The following PCCA variants were observed in gnomAD, a reference collection of about 807,000 sequenced individuals.
PCCA encodes propionyl-CoA carboxylase alpha chain, mitochondrial.
In PCCA, 74 loss-of-function variants were observed where a neutral mutation model predicts 101.3. The ratio of observed to expected loss-of-function variants is 0.73; its 90% CI spans 0.61 to 0.89. The LOEUF (loss-of-function observed/expected upper bound fraction) is 0.89. PCCA is among the 40% of genes least tolerant of loss of function. PCCA has a pLI of 0.00. For missense variants in PCCA, 891 were observed against 907.0 expected, an observed-to-expected ratio of 0.98 and a Z score of 0.23; for synonymous variants, 294 against 313.6, an observed-to-expected ratio of 0.94 and a Z score of 0.66.
chr13:100,338,503 C>T (rs964786511), intron 17 of PCCA, among the ~76,000 whole-genome samples: 3 of 151,906 alleles, frequency 2.0e-5, no homozygotes, highest in African/African-American at 7.3e-5. Context: ...CTGGGGACTC[C>T]CAGTTGTTGG....
At chr13:100,461,458 T>C (rs547646136) in intron 21 of PCCA, among the ~76,000 whole-genome samples, 1 of 152,358 alleles carries the variant, frequency 6.6e-6, no homozygotes, top group East Asian at 1.9e-4. Flanking sequence ...ACTGTTTTTC[T>C]TTATCTGTAC....
chr13:100,246,059 A>G (rs890392323), intron 8 of PCCA, among the ~76,000 whole-genome samples: 2 of 152,192 alleles, frequency 1.3e-5, no homozygotes, highest in African/African-American at 4.8e-5. Flanking sequence ...TTCAGCCTTT[A>G]TACACCTGTA....
intron 16 of PCCA, among the ~76,000 whole-genome samples, chr13:100,323,392 G>A (rs1157472056): frequency 6.6e-6 from 1 of 151,854 alleles, no homozygotes; most frequent in East Asian, 1.9e-4. Flanking sequence ...TGCGGTCTCG[G>A]CTCACTACAA....
chr13:100,179,618 C>T (rs894787948), intron 6 of PCCA, among the ~76,000 whole-genome samples: 6 of 152,172 alleles, frequency 3.9e-5, no homozygotes, highest in African/African-American at 1.4e-4. Flanking sequence ...CTTTCTTTAT[C>T]ATGTGATCCT....
chr13:100,370,508 G>A (rs1229464250), intron 19 of PCCA, among the ~76,000 whole-genome samples: 1 of 152,094 alleles, frequency 6.6e-6, no homozygotes, highest in Admixed American at 6.6e-5. Flanking sequence ...AAACAGGGCT[G>A]TTTTTAAAAC....
At chr13:100,110,309 C>T (rs1404782266) in intron 2 of PCCA, among the ~76,000 whole-genome samples, 2 of 152,106 alleles carry the variant, frequency 1.3e-5, no homozygotes, top group African/African-American at 2.4e-5. Context: ...TGTATTACAT[C>T]CAAATTACTT....
chr13:100,478,564 G>C (rs1308685829), intron 21 of PCCA, among the ~76,000 whole-genome samples: 1 of 152,202 alleles, frequency 6.6e-6, no homozygotes, highest in Non-Finnish European at 1.5e-5. Flanking sequence ...CATAGGAGGA[G>C]GCAACAGCTT....
chr13:100,344,348 A>G (rs2071862880), intron 18 of PCCA, among the ~76,000 whole-genome samples: 1 of 152,156 alleles, frequency 6.6e-6, no homozygotes, highest in Non-Finnish European at 1.5e-5. Flanking sequence ...AAAATATGAG[A>G]AGTTCCATTT....
rs1225545034 is a variant in PCCA, at chr13:100,309,844, T to C, written c.1365T>C (p.Tyr455=). The C allele has an allele frequency of 6.2e-7, 1 of 1,611,676 alleles. No individual in the cohort carries two copies. Among genetic ancestry groups the C allele is most frequent in the East Asian group, 2.2e-5 (1 of 44,826 alleles). The change falls in exon 16 of 24, where the codon TAT becomes TAC. Residue 455 remains tyrosine, a synonymous_variant. Transcript: ENST00000376285. ...TTGCTTGTTTTTAGCTAATCACATA[T>C]GGCTCTGATAGAACTGAGGCACTGA... ...YDPMISKLIT[Y]GSDRTEALKR...
intron 21 of PCCA, among the ~76,000 whole-genome samples, chr13:100,492,830 A>G (rs1206243124): frequency 6.6e-6 from 1 of 151,522 alleles, no homozygotes; most frequent in African/African-American, 2.4e-5. Flanking sequence ...GGTAGCAGAG[A>G]TCAGCTATGG....
intron 7 of PCCA, among the ~76,000 whole-genome samples, chr13:100,216,056 TTTCCCTTCCCC>T (rs2152489562): frequency 6.6e-6 from 1 of 152,038 alleles, no homozygotes; most frequent in African/African-American, 2.4e-5. Flanking sequence ...TTTTCCTCCC[TTTCCCTTCCCC>T]TTCCCCTCCC....
At chr13:100,197,337 A>G (rs949840062) in intron 6 of PCCA, among the ~76,000 whole-genome samples, 3 of 151,706 alleles carry the variant, frequency 2.0e-5, no homozygotes, top group African/African-American at 7.3e-5. Context: ...CCTCCTGTGT[A>G]GCTGGGACCA....
intron 8 of PCCA, among the ~76,000 whole-genome samples, chr13:100,246,403 A>G (rs1187450000): frequency 6.6e-6 from 1 of 151,998 alleles, no homozygotes; most frequent in Non-Finnish European, 1.5e-5. Flanking sequence ...TCAACCTCCT[A>G]GGCTCAAGCG....
intron 19 of PCCA, among the ~76,000 whole-genome samples, chr13:100,380,167 G>A (rs1487127170): frequency 1.3e-5 from 2 of 152,118 alleles, no homozygotes; most frequent in Non-Finnish European, 2.9e-5. Context: ...TTCGAGACCA[G>A]CCTGAGAAAT....
Position 100,277,672 on chromosome 13 carries a change from T to G in PCCA, c.1065+4326T>G, listed in dbSNP as rs375949883. 9.9e-4 allele frequency among the ~76,000 whole-genome samples: 150 copies of G among 152,274 alleles called. 4 individuals are homozygous for G. In the South Asian group the frequency reaches 0.028, roughly 29 times the overall value. On this transcript the variant is annotated intron_variant, in intron 12 of 23. Transcript: ENST00000376285. ...CTTTTCCTTTCCAAATCTCATGCAT[T>G]TGCACATCCAGAACCTCATGCAGTC...
chr13:100,443,391 G>C (rs1331285878), intron 20 of PCCA, among the ~76,000 whole-genome samples: 1 of 151,594 alleles, frequency 6.6e-6, no homozygotes, highest in East Asian at 1.9e-4. Flanking sequence ...GGCAGTTGCT[G>C]TGGAGAGCTG....
intron 6 of PCCA, among the ~76,000 whole-genome samples, chr13:100,160,194 T>C (rs1004657898): frequency 6.6e-6 from 1 of 152,180 alleles, no homozygotes; most frequent in Non-Finnish European, 1.5e-5. Context: ...CAGTCCCTGC[T>C]GTCCATGACT....
rs376662740 is a variant in PCCA at position 100,157,255 on chromosome 13, A to G, written c.415-32A>G. On this transcript the variant is annotated intron_variant, in intron 5 of 23. Coordinates refer to ENST00000376285, the MANE Select transcript of PCCA (RefSeq NM_000282.4). ...TTATAAAGCTTTTGCAATATGATAA[A>G]ATTGAAAGTGCTTTTTGCTTTCATT... is the stretch of plus-strand genomic sequence containing the variant. The G allele has an allele frequency of 3.3e-6, 5 of 1,531,018 alleles. No individual in the cohort carries two copies. The African/African-American group carries it at 6.8e-5, about 21-fold the overall frequency. 94.8% of individuals were successfully genotyped at this position (1,531,018 alleles called of 1,614,324 possible).
At chr13:100,485,224 C>G (rs1398392748) in intron 21 of PCCA, among the ~76,000 whole-genome samples, 1 of 152,182 alleles carries the variant, frequency 6.6e-6, no homozygotes, top group Non-Finnish European at 1.5e-5. Context: ...ATGGATTGGG[C>G]CTGTGTTTCT....
Sources: gnomAD v4.1 joint callset for allele counts (sites outside exome capture counted in the v4.1 genomes callset) on GRCh38, gnomAD v4.1.1 for gene constraint, MANE v1.5 for transcripts, NCBI Gene and HGNC (gene_info 2026-07-23, HGNC 2026-07-21) for gene names.